The following CDH18 variants were observed in gnomAD, a reference collection of about 807,000 sequenced individuals.
The protein encoded by CDH18 is cadherin 18, also known as cadherin-18.
A neutral mutation model predicts 67.9 loss-of-function variants in CDH18; 31 were observed. That is an observed-to-expected ratio of 0.46 (90% CI 0.34 to 0.62). The LOEUF is 0.62. CDH18 is among the 20% of genes least tolerant of loss of function. The probability of loss-of-function intolerance (pLI) is 0.01; values close to 1 mark genes in which losing one functional copy is unlikely to be tolerated. For missense variants in CDH18, 890 were observed against 975.5 expected (o/e 0.91, Z 1.17); for synonymous variants, 362 against 347.2 (o/e 1.04, Z -0.48).
At chr5:19,555,449 G>A (rs1396754486) in intron 8 of CDH18, among the ~76,000 whole-genome samples, 1 of 152,198 alleles carries the variant, frequency 6.6e-6, no homozygotes, top group East Asian at 1.9e-4. Context: ...AGTGAGACCA[G>A]CTGTTTGGGC....
chr5:20,351,188 G>GTT (rs1741148951), intron 1 of CDH18, among the ~76,000 whole-genome samples: 10 of 144,220 alleles, frequency 6.9e-5, no homozygotes, highest in Admixed American at 6.5e-4. Flanking sequence ...GTGTGTGTGT[G>GTT]TGTGCGTGTG....
At chr5:20,271,593 A>G (rs10941680) in intron 1 of CDH18, among the ~76,000 whole-genome samples, 42,729 of 151,922 alleles carry the variant, frequency 0.28, 7,034 homozygotes, top group Non-Finnish European at 0.36. Context: ...TTTAAAAAAG[A>G]AAGAAGATAC....
intron 2 of CDH18, among the ~76,000 whole-genome samples, chr5:20,170,497 ATAAAT>A (rs1736613993): frequency 6.6e-6 from 1 of 152,034 alleles, no homozygotes; most frequent in Admixed American, 6.6e-5. Flanking sequence ...TAAGTGTTAA[ATAAAT>A]TAATATAAAT....
chr5:20,010,689 T>C (rs1246108376), intron 2 of CDH18, among the ~76,000 whole-genome samples: 1 of 152,214 alleles, frequency 6.6e-6, no homozygotes, highest in East Asian at 1.9e-4. Flanking sequence ...TTCTTACTTT[T>C]ACTCCCACCT....
At chr5:20,106,393 G>A (rs1746940418) in intron 2 of CDH18, among the ~76,000 whole-genome samples, 1 of 152,108 alleles carries the variant, frequency 6.6e-6, no homozygotes, top group African/African-American at 2.4e-5. Context: ...TTATTTTTCA[G>A]TTAAATAATC....
intron 2 of CDH18, among the ~76,000 whole-genome samples, chr5:19,909,921 A>G (rs1243443853): frequency 6.6e-6 from 1 of 152,126 alleles, no homozygotes; most frequent in Non-Finnish European, 1.5e-5. Flanking sequence ...CAAAAACTAC[A>G]TATGCGTTGA....
At chr5:20,397,213 A>T (rs1745356409) in intron 1 of CDH18, among the ~76,000 whole-genome samples, 1 of 151,964 alleles carries the variant, frequency 6.6e-6, no homozygotes, top group African/African-American at 2.4e-5. Flanking sequence ...TCACGGCAAC[A>T]TCCGCCTCCT....
At chr5:19,755,426 G>GGT (rs1561231497) in intron 3 of CDH18, among the ~76,000 whole-genome samples, 4 of 4,096 alleles carry the variant, frequency 9.8e-4, no homozygotes, top group African/African-American at 1.2e-3. Context: ...GAACTAACAG[G>GGT]GTATGTATAT....
intron 2 of CDH18, among the ~76,000 whole-genome samples, chr5:20,081,073 A>T (rs1040619356): frequency 2.0e-5 from 3 of 152,294 alleles, no homozygotes; most frequent in African/African-American, 7.2e-5. Context: ...GGTAGTATTT[A>T]CTCAGGAAAT....
At chr5:19,778,189 ATAAT>A (rs1259889384) in intron 3 of CDH18, among the ~76,000 whole-genome samples, 2 of 152,206 alleles carry the variant, frequency 1.3e-5, no homozygotes, top group Non-Finnish European at 2.9e-5. Flanking sequence ...AACACAGAAC[ATAAT>A]TAACCTGAAA....
At chr5:19,618,846 T>C (rs896213332) in intron 5 of CDH18, among the ~76,000 whole-genome samples, 11 of 152,160 alleles carry the variant, frequency 7.2e-5, no homozygotes, top group African/African-American at 2.7e-4. Flanking sequence ...TTATGCAAAT[T>C]AATATGAGTA....
chr5:20,331,202 T>C (rs2150025753), intron 1 of CDH18, among the ~76,000 whole-genome samples: 1 of 152,356 alleles, frequency 6.6e-6, no homozygotes, highest in African/African-American at 2.4e-5. Flanking sequence ...ACTAGTAGTA[T>C]AAAGACCTGA....
intron 1 of CDH18, among the ~76,000 whole-genome samples, chr5:20,485,975 C>G (rs1235247871): frequency 2.0e-5 from 3 of 152,114 alleles, no homozygotes; most frequent in African/African-American, 7.2e-5. Flanking sequence ...GTCATGTGGG[C>G]TTCCTTTTGC....
At chr5:19,917,976 G>A (rs185344709) in intron 2 of CDH18, among the ~76,000 whole-genome samples, 11 of 152,252 alleles carry the variant, frequency 7.2e-5, no homozygotes, top group African/African-American at 2.6e-4. Context: ...TGAGATGTGG[G>A]AGATGAGTAA....
At chr5:19,876,259 A>G (rs1786991098) in intron 2 of CDH18, among the ~76,000 whole-genome samples, 1 of 152,160 alleles carries the variant, frequency 6.6e-6, no homozygotes, top group Non-Finnish European at 1.5e-5. Context: ...TGATAACTTG[A>G]GTCTCAGATA....
chr5:19,981,001 T>C (rs1297814157), intron 2 of CDH18, 59 bp downstream of exon 2: 2 of 152,310 alleles, frequency 1.3e-5, no homozygotes, highest in Admixed American at 6.5e-5. Context: ...ATCAGACTTA[T>C]ATCTTAAGCA....
rs886498817 is a variant in CDH18 at position 19,755,595 on chromosome 5, TATATA to T, written c.229-8364_229-8360del. Among the ~76,000 whole-genome samples, 16 of 146,640 alleles carry T rather than the reference TATATA, an allele frequency of 1.1e-4. No homozygotes were observed. The South Asian group carries it at 1.3e-3, about 12-fold the overall frequency. On this transcript the variant is annotated intron_variant, in intron 3 of 12. Coordinates refer to ENST00000382275, the MANE Select transcript of CDH18 (RefSeq NM_004934.5). The stretch of plus-strand genomic sequence containing the variant: ...TATAGGATATATATAATATAAGATA[TATATA>T]ATATAAGACATATACATATATCTCC...
chr5:20,168,089 T>G (rs887150483), intron 2 of CDH18, among the ~76,000 whole-genome samples: 1 of 152,194 alleles, frequency 6.6e-6, no homozygotes, highest in African/African-American at 2.4e-5. Context: ...ATTTATTTTT[T>G]GTGTTCCTTT....
intron 11 of CDH18, among the ~76,000 whole-genome samples, chr5:19,492,732 C>A (rs1741665002): frequency 6.6e-6 from 1 of 151,916 alleles, no homozygotes; most frequent in African/African-American, 2.4e-5. Context: ...ATGTATTTTA[C>A]AATATATATT....
Sources: allele counts gnomAD v4.1 joint callset (sites outside exome capture counted in the v4.1 genomes callset), GRCh38; gene constraint gnomAD v4.1.1; transcripts MANE v1.5; gene names NCBI Gene and HGNC (gene_info 2026-07-23, HGNC 2026-07-21).